GAS2: variants seen among roughly 807,000 people sequenced by gnomAD.
The protein encoded by GAS2 is growth arrest specific 2.
In GAS2, 20 loss-of-function variants were observed where a neutral mutation model predicts 37.5. That is an observed-to-expected ratio of 0.53 (90% confidence interval 0.37 to 0.77). The LOEUF is 0.77. GAS2 is among the 30% of genes least tolerant of loss of function. GAS2 has a pLI of 0.00. For synonymous variants in GAS2, 144 were observed against 132.2 expected (o/e 1.09, Z -0.61); for missense variants, 336 against 373.4 (o/e 0.90, Z 0.82).
chr11:22,646,880 TTTCTTTCTTTTTCTTTCTTTCC>T (rs1848701796), intron 1 of GAS2, among the ~76,000 whole-genome samples: 1 of 151,548 alleles, frequency 6.6e-6, no homozygotes, highest in Non-Finnish European at 1.5e-5. Flanking sequence ...TTGCTTTCTC[TTTCTTTCTTTTTCTTTCTTTCC>T]TTCTTTCTTT....
At chr11:22,654,628 T>C (rs918544816) in intron 1 of GAS2, among the ~76,000 whole-genome samples, 2 of 152,106 alleles carry the variant, frequency 1.3e-5, no homozygotes, top group Non-Finnish European at 2.9e-5. Flanking sequence ...ACTCCCAGGC[T>C]AAAGTAATCC....
chr11:22,774,256 A>G (rs539016681), intron 7 of GAS2, among the ~76,000 whole-genome samples: 1 of 152,290 alleles, frequency 6.6e-6, no homozygotes, highest in African/African-American at 2.4e-5. Flanking sequence ...AGCCTCCCAA[A>G]GTCCTGGGAT....
At chr11:22,737,658 C>T (rs779815834) in intron 4 of GAS2, 47 bp from the exon 5 acceptor site, 7 of 1,578,672 alleles carry the variant, frequency 4.4e-6, no homozygotes, top group South Asian at 2.2e-5. Context: ...TGTTGAGCTG[C>T]TTATTCCTTC....
chr11:22,635,982 C>T (rs1180936704), intron 1 of GAS2, among the ~76,000 whole-genome samples: 6 of 152,120 alleles, frequency 3.9e-5, no homozygotes, highest in Admixed American at 2.0e-4. Flanking sequence ...CAGTTTTCTG[C>T]CTGGCTTATG....
intron 1 of GAS2, among the ~76,000 whole-genome samples, chr11:22,653,197 T>C (rs556271778): frequency 2.6e-5 from 4 of 151,948 alleles, no homozygotes; most frequent in Non-Finnish European, 5.9e-5. Flanking sequence ...CTTCTATATA[T>C]AGTCAGAATA....
chr11:22,691,098 T>C (rs758161394), intron 3 of GAS2, among the ~76,000 whole-genome samples: 12 of 151,990 alleles, frequency 7.9e-5, no homozygotes, highest in Non-Finnish European at 1.8e-4. Context: ...TAGATCAAGT[T>C]TGAAGCAGAT....
intron 3 of GAS2, among the ~76,000 whole-genome samples, chr11:22,715,676 T>A (rs1391690375): frequency 6.6e-6 from 1 of 151,548 alleles, no homozygotes; most frequent in South Asian, 2.1e-4. Flanking sequence ...AAGAGACCAA[T>A]AACAAGTAGC....
intron 7 of GAS2, among the ~76,000 whole-genome samples, chr11:22,807,689 G>T (rs1159035444): frequency 6.6e-6 from 1 of 152,142 alleles, no homozygotes; most frequent in Non-Finnish European, 1.5e-5. Context: ...GCTTTTTCAG[G>T]TGCTGCAGCC....
At chr11:22,629,835 T>C (rs530724506) in intron 1 of GAS2, among the ~76,000 whole-genome samples, 2 of 152,328 alleles carry the variant, frequency 1.3e-5, no homozygotes, top group African/African-American at 2.4e-5. Context: ...TTATTTATTT[T>C]TGTTTTTGTT....
intron 4 of GAS2, among the ~76,000 whole-genome samples, chr11:22,736,759 A>T (rs1852776994): frequency 6.6e-6 from 1 of 152,140 alleles, no homozygotes; most frequent in Admixed American, 6.5e-5. Context: ...ACAATCAATA[A>T]GCTAATATTT....
intron 5 of GAS2, among the ~76,000 whole-genome samples, chr11:22,745,349 T>A (rs999005466): frequency 2.0e-5 from 3 of 151,910 alleles, no homozygotes; most frequent in African/African-American, 7.2e-5. Context: ...TTACCAAAAA[T>A]AAGCAATGGA....
chr11:22,703,009 A>G (rs1054909115), intron 3 of GAS2, among the ~76,000 whole-genome samples: 18 of 152,198 alleles, frequency 1.2e-4, no homozygotes, highest in Admixed American at 1.0e-3. Context: ...TTAAAGGCAT[A>G]TGAAACATGT....
At chr11:22,665,413 C>G (rs748828912), upstream of GAS2, among the ~76,000 whole-genome samples, 5 of 152,256 alleles carry the variant, frequency 3.3e-5, no homozygotes, top group Middle Eastern at 3.4e-3. Flanking sequence ...GATCTGATCA[C>G]ATTTTAAGAA....
chr11:22,677,261 A>G (rs149692930), intron 2 of GAS2, among the ~76,000 whole-genome samples: 41 of 152,270 alleles, frequency 2.7e-4, no homozygotes, highest in African/African-American at 8.9e-4. Flanking sequence ...ACTGAAGATT[A>G]ATAGCTAGCC....
intron 1 of GAS2, among the ~76,000 whole-genome samples, chr11:22,652,584 G>T (rs890239638): frequency 6.6e-6 from 1 of 152,218 alleles, no homozygotes; most frequent in Admixed American, 6.5e-5. Context: ...CTCCGTGGGC[G>T]TAGGACCCTC....
intron 6 of GAS2, among the ~76,000 whole-genome samples, chr11:22,754,381 A>G (rs1250703724): frequency 1.3e-5 from 2 of 152,070 alleles, no homozygotes; most frequent in African/African-American, 4.8e-5. Context: ...TAACCACTAA[A>G]TGAGATACAA....
intron 5 of GAS2, among the ~76,000 whole-genome samples, chr11:22,745,432 C>T (rs1016722516): frequency 6.6e-6 from 1 of 152,022 alleles, no homozygotes; most frequent in Non-Finnish European, 1.5e-5. Flanking sequence ...AAACTGGATC[C>T]ATACCAATCA....
chr11:22,630,803 C>A (rs1858735601), intron 1 of GAS2, among the ~76,000 whole-genome samples: 1 of 151,978 alleles, frequency 6.6e-6, no homozygotes, highest in South Asian at 2.1e-4. Flanking sequence ...TAGATTTGTT[C>A]TTTTTGCTTA....
chr11:22,681,993 T>G (rs1269421488), intron 2 of GAS2, among the ~76,000 whole-genome samples: 1 of 152,040 alleles, frequency 6.6e-6, no homozygotes, highest in Non-Finnish European at 1.5e-5. Flanking sequence ...AAGGAAAATA[T>G]GTTACACATG....
Sources: allele counts gnomAD v4.1 joint callset (sites outside exome capture counted in the v4.1 genomes callset), GRCh38; gene constraint gnomAD v4.1.1; transcripts MANE v1.5; gene names NCBI Gene and HGNC (gene_info 2026-07-23, HGNC 2026-07-21).